The following ASAP2 variants were observed in gnomAD, a reference collection of about 807,000 sequenced individuals.
The protein encoded by ASAP2 is ArfGAP with SH3 domain, ankyrin repeat and PH domain 2.
ASAP2 carries 45 observed loss-of-function variants against 131.4 expected under a neutral mutation model. The ratio of observed to expected loss-of-function variants is 0.34; its 90% CI spans 0.27 to 0.44. The LOEUF (loss-of-function observed/expected upper bound fraction) is 0.44, where lower values mean the gene tolerates loss of function less well. Ranked by LOEUF, ASAP2 falls within the 20% of genes least tolerant of loss-of-function variation. The probability of loss-of-function intolerance (pLI) is 1.00; values close to 1 mark genes in which losing one functional copy is unlikely to be tolerated. For missense variants in ASAP2, 1,011 were observed against 1,297.0 expected, an observed-to-expected ratio of 0.78 and a Z score of 3.39; for synonymous variants, 510 against 503.0, an observed-to-expected ratio of 1.01 and a Z score of -0.19.
At chr2:9,255,673 CG>C (rs1379919054) in intron 1 of ASAP2, among the ~76,000 whole-genome samples, 2 of 152,174 alleles carry the variant, frequency 1.3e-5, no homozygotes, top group Non-Finnish European at 2.9e-5. Context: ...TGAAGGGAGT[CG>C]GGGGCAGAGC....
In ASAP2 at chr2:9,334,821, G is replaced by C. The variant is rs375436568; in HGVS notation, c.762+8G>C. ...TCTACGGATCTTCACACGGTGAGTA[G>C]CTTCCCTCCCACTGTGGTTTAAAAC... On this transcript the variant is annotated splice_region_variant and intron_variant, in intron 8 of 27. Transcript: ENST00000281419. The C allele has an allele frequency of 1.2e-6, 2 of 1,611,192 alleles. No individual in the cohort carries two copies. The highest frequency in any genetic ancestry group is 1.3e-5 in the African/African-American group (1 of 74,956).
chr2:9,312,425 C>A (rs13399047), intron 3 of ASAP2, among the ~76,000 whole-genome samples: 1 of 152,258 alleles, frequency 6.6e-6, no homozygotes, highest in South Asian at 2.1e-4. Context: ...ACCAGCACTT[C>A]GACCACCCTC....
chr2:9,336,859 C>T (rs745615799), intron 9 of ASAP2, among the ~76,000 whole-genome samples: 17 of 152,220 alleles, frequency 1.1e-4, no homozygotes, highest in African/African-American at 2.7e-4. Flanking sequence ...TGGAAATGAT[C>T]GAGAACTGCC....
At chr2:9,319,935 G>A (rs971957222) in intron 4 of ASAP2, among the ~76,000 whole-genome samples, 6 of 152,202 alleles carry the variant, frequency 3.9e-5, no homozygotes, top group African/African-American at 1.4e-4. Context: ...GAGACATCCT[G>A]AAGTATTTGC....
At chr2:9,394,264 T>C (rs1488886426) in intron 24 of ASAP2, among the ~76,000 whole-genome samples, 2 of 150,984 alleles carry the variant, frequency 1.3e-5, no homozygotes, top group Non-Finnish European at 2.9e-5. Context: ...TCCAGGGTTC[T>C]TGCCATTCTC....
intron 3 of ASAP2, among the ~76,000 whole-genome samples, chr2:9,300,276 CAGAG>C: frequency 6.6e-6 from 1 of 152,374 alleles, no homozygotes; most frequent in East Asian, 1.9e-4. Flanking sequence ...TTGGGAGGCT[CAGAG>C]TCCTTGCCTA....
chr2:9,400,213 G>GCC (rs1283644963), intron 25 of ASAP2, 141 bp downstream of exon 25: 1 of 656,782 alleles, frequency 1.5e-6, no homozygotes. Context: ...CTCCCCTCCT[G>GCC]CCCCCTCCCC....
At chr2:9,351,999 G>A (rs949344917) in intron 12 of ASAP2, among the ~76,000 whole-genome samples, 7 of 152,152 alleles carry the variant, frequency 4.6e-5, no homozygotes, top group African/African-American at 1.7e-4. Flanking sequence ...AAGGTCCACA[G>A]ATTCTCATCA....
intron 3 of ASAP2, among the ~76,000 whole-genome samples, chr2:9,306,093 G>T (rs1421011914): frequency 5.0e-5 from 7 of 140,008 alleles, no homozygotes; most frequent in African/African-American, 1.1e-4. Flanking sequence ...GGTTATGGGG[G>T]TAGGGGCTGT....
At chr2:9,305,550 G>C (rs1668848817) in intron 3 of ASAP2, among the ~76,000 whole-genome samples, 3 of 143,014 alleles carry the variant, frequency 2.1e-5, no homozygotes, top group African/African-American at 7.9e-5. Context: ...GTGGGGTACA[G>C]ATATTGGTGG....
At chr2:9,377,692 G>T (rs1244964977) in intron 18 of ASAP2, among the ~76,000 whole-genome samples, 1 of 152,164 alleles carries the variant, frequency 6.6e-6, no homozygotes, top group Non-Finnish European at 1.5e-5. Context: ...CACAGAAATT[G>T]CTCCAAAGGA....
chr2:9,399,993 A>G (rs2148825861), intron 24 of ASAP2, 30 bp from the exon 25 acceptor site: 1 of 1,611,074 alleles, frequency 6.2e-7, no homozygotes, highest in African/African-American at 1.3e-5. Context: ...CTCCGGTAGC[A>G]GTAAATCTAC....
intron 1 of ASAP2, among the ~76,000 whole-genome samples, chr2:9,221,625 G>T (rs1188590067): frequency 2.0e-5 from 3 of 151,934 alleles, no homozygotes; most frequent in African/African-American, 7.3e-5. Flanking sequence ...TAGAAATATG[G>T]TTACTTTTTG....
rs546862626 is a variant in ASAP2, at chr2:9,254,527, A to ATTTTTTTTTTTTT, written c.127-24776_127-24764dup. ...ACCACTACCCCCAGCTAATTTTTGGATTTTTTTTTTTTTTTTTTTTTTTTT... is the reference window on the plus strand; with the variant it reads ...ACCACTACCCCCAGCTAATTTTTGGATTTTTTTTTTTTTTTTTTTTTTTTTTTTTTTTTTTTTT... On this transcript the variant is annotated intron_variant, in intron 1 of 27. Transcript: ENST00000281419. 6.8e-4 allele frequency among the ~76,000 whole-genome samples: 19 copies of ATTTTTTTTTTTTT among 28,012 alleles called. 5 individuals are homozygous for ATTTTTTTTTTTTT. The highest frequency in any genetic ancestry group is 2.2e-3 in the East Asian group (3 of 1,358). 18.4% of individuals were successfully genotyped at this position (28,012 alleles called of 152,430 possible).
intron 16 of ASAP2, 108 bp from the exon 17 acceptor site, chr2:9,374,646 CT>C: frequency 9.1e-7 from 1 of 1,095,648 alleles, no homozygotes; most frequent in Non-Finnish European, 1.3e-6. Context: ...GCCAGCGGTG[CT>C]TACCAGGGAC....
intron 2 of ASAP2, among the ~76,000 whole-genome samples, chr2:9,279,719 C>G (rs1363975074): frequency 6.6e-6 from 1 of 152,150 alleles, no homozygotes; most frequent in East Asian, 1.9e-4. Flanking sequence ...TCATTCCTGC[C>G]TCTGTCATTT....
At chr2:9,263,845 G>A (rs946530577) in intron 1 of ASAP2, among the ~76,000 whole-genome samples, 2 of 152,144 alleles carry the variant, frequency 1.3e-5, no homozygotes, top group African/African-American at 4.8e-5. Context: ...AGTTTGCCTG[G>A]TTCTTCTATA....
chr2:9,226,673 C>T lies in ASAP2; in HGVS notation c.126+19443C>T, dbSNP rs114404021. On this transcript the variant is annotated intron_variant, in intron 1 of 27. Coordinates refer to ENST00000281419, the MANE Select transcript of ASAP2 (RefSeq NM_003887.3). ...GGACTGTCCTATGTCACTTCTTCTT[C>T]CCTCTTAAGCCCTGGAGGGGAGGAC... 2.8e-3 allele frequency among the ~76,000 whole-genome samples: 420 copies of T among 152,292 alleles called. 4 individuals are homozygous for T. Among genetic ancestry groups the T allele is most frequent in the African/African-American group, 9.5e-3 (395 of 41,554 alleles).
At chr2:9,332,530 C>T (rs1400705962) in intron 7 of ASAP2, among the ~76,000 whole-genome samples, 1 of 152,230 alleles carries the variant, frequency 6.6e-6, no homozygotes, top group Non-Finnish European at 1.5e-5. Context: ...CATTCATCGT[C>T]ATGCTGGAAA....
Sources: gnomAD v4.1 joint callset for allele counts (sites outside exome capture counted in the v4.1 genomes callset) on GRCh38, gnomAD v4.1.1 for gene constraint, MANE v1.5 for transcripts, NCBI Gene and HGNC (gene_info 2026-07-23, HGNC 2026-07-21) for gene names.